JAM2: variants seen among roughly 807,000 people sequenced by gnomAD.
The protein encoded by JAM2 is junctional adhesion molecule 2.
A neutral mutation model predicts 42.0 loss-of-function variants in JAM2; 17 were observed. That is an observed-to-expected ratio of 0.40 (90% CI 0.28 to 0.61). JAM2 has a LOEUF of 0.61. JAM2 is among the 20% of genes least tolerant of loss of function. The pLI is 0.37. For synonymous variants in JAM2, 118 were observed against 128.6 expected (o/e 0.92, Z 0.56); for missense variants, 319 against 358.3 (o/e 0.89, Z 0.89).
intron 1 of JAM2, among the ~76,000 whole-genome samples, chr21:25,650,521 CTG>C (rs1242780710): frequency 6.6e-6 from 1 of 152,226 alleles, no homozygotes; most frequent in African/African-American, 2.4e-5. Flanking sequence ...TCAAAAAACA[CTG>C]AATCAGTGAT....
intron 8 of JAM2, chr21:25,710,061 GAAT>G (rs2034351192): frequency 6.6e-6 from 1 of 152,090 alleles, no homozygotes; most frequent in Non-Finnish European, 1.5e-5. Flanking sequence ...AGTACAGAGA[GAAT>G]GATGATTACC....
chr21:25,673,249 A>C (rs1224707315), intron 1 of JAM2, among the ~76,000 whole-genome samples: 2 of 152,216 alleles, frequency 1.3e-5, no homozygotes, highest in Non-Finnish European at 2.9e-5. Context: ...TCGAGAAGTT[A>C]ATTTAATTAC....
intron 1 of JAM2, among the ~76,000 whole-genome samples, chr21:25,668,886 A>C (rs2033286965): frequency 2.0e-5 from 3 of 152,174 alleles, no homozygotes; most frequent in African/African-American, 7.2e-5. Flanking sequence ...AAAGCGTGTT[A>C]AGAAGAAGGG....
intron 8 of JAM2, chr21:25,711,966 A>C (rs950293134): frequency 8.9e-6 from 2 of 225,080 alleles, no homozygotes; most frequent in African/African-American, 4.7e-5. Context: ...ACCATGTAAA[A>C]CTTTTTCCAC....
In JAM2 at chr21:25,689,913, T is replaced by G. The variant is rs770536384; in HGVS notation, c.181T>G (p.Leu61Val). 79 of 1,613,660 alleles carry G rather than the reference T, an allele frequency of 4.9e-5. 1 individual carries two copies. The highest frequency in any genetic ancestry group is 6.6e-5 in the Non-Finnish European group (78 of 1,179,756). Residue 61 changes from leucine to valine, a missense_variant, in exon 3 of 10, where the codon TTA becomes GTA. Physicochemically the swap from Leu to Val is conservative, Grantham distance 32. Transcript: ENST00000480456. ...CCCAAAGAAGACTGTTTCCTCCAGATTAGAGTGGAAGAAACTGGGTCGGAG... is the reference window on the plus strand; with the variant it reads ...CCCAAAGAAGACTGTTTCCTCCAGAGTAGAGTGGAAGAAACTGGGTCGGAG... ...KTPKKTVSSR[L>V]EWKKLGRSVS...
intron 9 of JAM2, chr21:25,714,259 C>T: frequency 7.8e-7 from 1 of 1,289,830 alleles, no homozygotes; most frequent in Non-Finnish European, 1.0e-6. Context: ...GTAATCCCAG[C>T]ACTTTGGAAG....
chr21:25,662,609 G>A (rs1209954950), intron 1 of JAM2, among the ~76,000 whole-genome samples: 2 of 151,892 alleles, frequency 1.3e-5, no homozygotes, highest in African/African-American at 4.8e-5. Context: ...GTGAGCCACC[G>A]CACCTGGCTA....
intron 1 of JAM2, among the ~76,000 whole-genome samples, chr21:25,651,818 T>C (rs1175977741): frequency 6.6e-6 from 1 of 152,248 alleles, no homozygotes; most frequent in East Asian, 1.9e-4. Context: ...GTGATCTCTC[T>C]GTACTGTCAT....
intron 4 of JAM2, among the ~76,000 whole-genome samples, chr21:25,695,643 G>A (rs560434629): frequency 5.3e-4 from 80 of 150,592 alleles, no homozygotes; most frequent in African/African-American, 1.9e-3. Flanking sequence ...GCGGCAGGGC[G>A]GAGATGCTCC....
At chr21:25,659,375 T>C (rs953786964) in intron 1 of JAM2, among the ~76,000 whole-genome samples, 7 of 152,192 alleles carry the variant, frequency 4.6e-5, no homozygotes, top group African/African-American at 1.7e-4. Context: ...ATTTTTAAAA[T>C]TGCTATGTGT....
chr21:25,706,989 T>C (rs1294717546), intron 7 of JAM2, among the ~76,000 whole-genome samples: 4 of 152,108 alleles, frequency 2.6e-5, no homozygotes, highest in African/African-American at 7.2e-5. Context: ...CCACCCACCT[T>C]GGCCTCCCAA....
chr21:25,656,804 A>G (rs2032951566), intron 1 of JAM2, among the ~76,000 whole-genome samples: 1 of 152,212 alleles, frequency 6.6e-6, no homozygotes, highest in Admixed American at 6.5e-5. Context: ...TCAGAGTCCT[A>G]ATAATTTGAA....
intron 2 of JAM2, among the ~76,000 whole-genome samples, chr21:25,685,560 T>TA (rs1265450437): frequency 1.3e-5 from 2 of 151,162 alleles, no homozygotes; most frequent in African/African-American, 4.9e-5. Context: ...TTCATCATTT[T>TA]AAAAAATGAG....
chr21:25,704,966 A>G (rs1453999978), intron 6 of JAM2, among the ~76,000 whole-genome samples: 3 of 152,258 alleles, frequency 2.0e-5, no homozygotes, highest in African/African-American at 7.2e-5. Flanking sequence ...CAATCTGAGA[A>G]GAAGAAAAAA....
At chr21:25,680,800 CGATGGATGGATG>C (rs557196760) in intron 1 of JAM2, among the ~76,000 whole-genome samples, 5 of 150,056 alleles carry the variant, frequency 3.3e-5, no homozygotes, top group African/African-American at 1.2e-4. Context: ...GGATGACGAT[CGATGGATGGATG>C]GATGGATGGG....
chr21:25,693,680 G>T, intron 3 of JAM2, 76 bp from the exon 4 acceptor site: 2 of 1,187,960 alleles, frequency 1.7e-6, no homozygotes, highest in Admixed American at 4.1e-5. Context: ...GTTACTAAAT[G>T]AACTGATTAG....
In JAM2 at chr21:25,714,853, C is replaced by T. The variant is rs2829878; in HGVS notation, c.*181C>T. 4,179 of 455,062 alleles carry T rather than the reference C, an allele frequency of 9.2e-3. 127 individuals carry two copies. The highest frequency in any genetic ancestry group is 0.06 in the African/African-American group (2,939 of 48,666). 28.2% of individuals were successfully genotyped at this position (455,062 alleles called of 1,614,324 possible). On this transcript the variant is annotated 3_prime_UTR_variant, in exon 10 of 10. Transcript: ENST00000480456. ...TGCTATTTTAAACAAATAGTTCTGT[C>T]GACACCTAAAATATAATCTGGCTTC... is the stretch of plus-strand genomic sequence containing the variant.
Position 25,717,454 on chromosome 21 carries a change from G to T in JAM2, c.*2782G>T, listed in dbSNP as rs1215994715. ...TAGATTTAATTTATTTTTAGTTGGAGGTTTGACCTAAGTCTGGACCAATTG... is the reference window on the plus strand; with the variant it reads ...TAGATTTAATTTATTTTTAGTTGGATGTTTGACCTAAGTCTGGACCAATTG... On this transcript the variant is annotated 3_prime_UTR_variant, in exon 10 of 10. Transcript: ENST00000480456. 6.5e-6 allele frequency: 3 copies of T among 459,514 alleles called. No homozygotes were observed. The highest frequency in any genetic ancestry group is 1.1e-5 in the Non-Finnish European group (3 of 274,558). 28.5% of individuals were successfully genotyped at this position (459,514 alleles called of 1,614,324 possible).
intron 3 of JAM2, among the ~76,000 whole-genome samples, chr21:25,691,170 TTTAATG>T (rs2033872914): frequency 6.6e-6 from 1 of 152,248 alleles, no homozygotes; most frequent in Non-Finnish European, 1.5e-5. Context: ...TATGTATTTC[TTTAATG>T]TTAAAGAATT....
Sources: gnomAD v4.1 joint callset for allele counts (sites outside exome capture counted in the v4.1 genomes callset) on GRCh38, gnomAD v4.1.1 for gene constraint, MANE v1.5 for transcripts, NCBI Gene and HGNC (gene_info 2026-07-23, HGNC 2026-07-21) for gene names.